ZBED6: variants seen among roughly 807,000 people sequenced by gnomAD.
The protein encoded by ZBED6 is zinc finger BED domain-containing protein 6.
A neutral mutation model predicts 58.4 loss-of-function variants in ZBED6; 40 were observed. That is an observed-to-expected ratio of 0.68 (90% CI 0.53 to 0.89). The LOEUF (loss-of-function observed/expected upper bound fraction) is 0.89. Among genes scored for constraint, ZBED6 ranks in the 40% least tolerant of loss-of-function variants. The pLI, the probability that ZBED6 is intolerant of heterozygous loss-of-function variation, is 0.00. For synonymous variants in ZBED6, 439 were observed against 350.6 expected (o/e 1.25, Z -2.82); for missense variants, 1,057 against 1,003.9 (o/e 1.05, Z -0.71).
At chr1:203,848,495 C>T in intron 13 of ZBED6, 88 bp downstream of exon 13, 6 of 933,512 alleles carry the variant, frequency 6.4e-6, no homozygotes, top group Non-Finnish European at 9.9e-6. Context: ...TTTCTAAGTA[C>T]TTCATTCATA....
Position 203,830,324 on chromosome 1 carries a change from TA to T in ZBED6, c.*3399+125del, listed in dbSNP as rs1572178082. The T allele has an allele frequency of 1.2e-5, 9 of 763,772 alleles. No individual in the cohort carries two copies. The East Asian group carries it at 2.3e-4, about 20-fold the overall frequency. The allele number at this position is 763,772 out of a possible 1,614,324, so 47.3% of individuals were successfully genotyped here. On this transcript the variant is annotated intron_variant, in intron 7 of 16. Coordinates refer to ENST00000550078, the Ensembl canonical transcript of ZBED6. ...TTTCATTTCCATGGCCTGTTTGAAG[TA>T]AAACACAGACTTATTTAAATTGTGG...
intron 11 of ZBED6, among the ~76,000 whole-genome samples, chr1:203,844,789 A>ATTTC (rs763483673): frequency 6.6e-5 from 10 of 152,068 alleles, no homozygotes; most frequent in Non-Finnish European, 5.9e-5. Context: ...GAGTGGAAAC[A>ATTTC]ACTTCTTTCC....
chr1:203,817,024 A>C (rs3753589), exon 2 of ZBED6: 234,582 of 1,445,592 alleles, frequency 0.16, 21,743 homozygotes, highest in East Asian at 0.41. Flanking sequence ...TTGAGGAAGC[A>C]GTGGCTTGTT....
chr1:203,833,379 A>AC (rs1683084084), intron 8 of ZBED6, among the ~76,000 whole-genome samples: 1 of 145,678 alleles, frequency 6.9e-6, no homozygotes, highest in Non-Finnish European at 1.5e-5. Context: ...AAAAAAAAAA[A>AC]AAAAACACCA....
At chr1:203,814,157 C>T (rs573702425) in intron 1 of ZBED6, among the ~76,000 whole-genome samples, 1 of 152,240 alleles carries the variant, frequency 6.6e-6, no homozygotes, top group Admixed American at 6.5e-5. Context: ...AGCTAAAACC[C>T]AAGTTCATTG....
intron 2 of ZBED6, among the ~76,000 whole-genome samples, chr1:203,817,612 T>G (rs541635151): frequency 6.6e-6 from 1 of 152,118 alleles, no homozygotes; most frequent in African/African-American, 2.4e-5. Flanking sequence ...TTTTTTGGCT[T>G]AATCTTTGTC....
intron 1 of ZBED6, among the ~76,000 whole-genome samples, chr1:203,807,640 G>C (rs1351074711): frequency 6.6e-6 from 1 of 151,846 alleles, no homozygotes; most frequent in Non-Finnish European, 1.5e-5. Context: ...GATCCTTCCA[G>C]CTCAGCCTCC....
chr1:203,842,276 G>A (rs1430702404), intron 11 of ZBED6, among the ~76,000 whole-genome samples: 4 of 152,174 alleles, frequency 2.6e-5, no homozygotes, highest in African/African-American at 7.2e-5. Context: ...GTAGCAAGCC[G>A]AGATCACGCC....
At chr1:203,820,468 A>ATGTGTGTGTGTGTGTGTGTGTGTGTG (rs71145033) in intron 3 of ZBED6, among the ~76,000 whole-genome samples, 5,208 of 150,374 alleles carry the variant, frequency 0.035, 124 homozygotes, top group Non-Finnish European at 0.052. Flanking sequence ...ATCACAAATT[A>ATGTGTGTGTGTGTGTGTGTGTGTGTG]TGTGTGTGTG....
chr1:203,806,509 G>A (rs1558096704), intron 1 of ZBED6, among the ~76,000 whole-genome samples: 1 of 152,122 alleles, frequency 6.6e-6, no homozygotes, highest in East Asian at 1.9e-4. Flanking sequence ...CACCATGTTG[G>A]CCAGGCTGGT....
intron 11 of ZBED6, among the ~76,000 whole-genome samples, chr1:203,841,954 C>T (rs1219456356): frequency 6.6e-6 from 1 of 150,582 alleles, no homozygotes; most frequent in Non-Finnish European, 1.5e-5. Flanking sequence ...CTCCTCAGTT[C>T]CCAGACGGGG....
exon 1 of ZBED6, chr1:203,802,714 CTTT>C (rs150416242): frequency 7.6e-6 from 1 of 131,660 alleles, no homozygotes; most frequent in African/African-American, 2.7e-5. Flanking sequence ...TAAATGAACT[CTTT>C]TTTTTTGTTT....
intron 1 of ZBED6, chr1:203,805,736 A>G: frequency 4.5e-6 from 3 of 666,668 alleles, no homozygotes; most frequent in Non-Finnish European, 5.8e-6. Flanking sequence ...TCTAAATAGA[A>G]CTCTTGGTCA....
chr1:203,852,594 G>A lies in ZBED6; in HGVS notation c.*5327G>A, dbSNP rs1249688432. 5 of 621,616 alleles carry A rather than the reference G, an allele frequency of 8.0e-6. No homozygotes were observed. In the East Asian group the frequency reaches 1.4e-4, roughly 18 times the overall value. The allele number at this position is 621,616 out of a possible 1,614,324, so 38.5% of individuals were successfully genotyped here. A position where few individuals can be genotyped will look rare whatever the true frequency, so the allele number is the denominator to read the frequency against. ...TTTAAAGTTACTTTATAACCATTTT[G>A]TCCATTTGATGCCATTGTTTATCAT... On this transcript the variant is annotated 3_prime_UTR_variant, in exon 17 of 17. Coordinates refer to ENST00000550078, the Ensembl canonical transcript of ZBED6.
At chr1:203,846,003 A>C (rs1687786285) in intron 11 of ZBED6, among the ~76,000 whole-genome samples, 1 of 147,764 alleles carries the variant, frequency 6.8e-6, no homozygotes, top group South Asian at 2.3e-4. Flanking sequence ...CAGACTGGGT[A>C]TGGTGGCTCA....
At chr1:203,839,831 TCTCA>T (rs1685518663) in intron 10 of ZBED6, among the ~76,000 whole-genome samples, 1 of 152,050 alleles carries the variant, frequency 6.6e-6, no homozygotes, top group South Asian at 2.1e-4. Flanking sequence ...TGAGACAGAG[TCTCA>T]CTCTGTCACC....
chr1:203,829,579 A>G, exon 5 of ZBED6: 2 of 1,614,196 alleles, frequency 1.2e-6, no homozygotes, highest in Non-Finnish European at 1.7e-6. Flanking sequence ...GAAAGTAGAA[A>G]GTTCCGAAAA....
intron 1 of ZBED6, among the ~76,000 whole-genome samples, chr1:203,811,434 G>C (rs1674466085): frequency 6.6e-6 from 1 of 152,162 alleles, no homozygotes; most frequent in African/African-American, 2.4e-5. Flanking sequence ...TCTAAAACCG[G>C]TAACAGTTTC....
At chr1:203,838,160 T>A in intron 10 of ZBED6, 96 bp downstream of exon 10, 1 of 1,100,184 alleles carries the variant, frequency 9.1e-7, no homozygotes, top group Non-Finnish European at 1.3e-6. Flanking sequence ...TTTGTTCAGG[T>A]AAATAGGTTA....
Sources: gnomAD v4.1 joint callset for allele counts (sites outside exome capture counted in the v4.1 genomes callset) on GRCh38, gnomAD v4.1.1 for gene constraint, MANE v1.5 for transcripts, NCBI Gene and HGNC (gene_info 2026-07-23, HGNC 2026-07-21) for gene names.